The following CNTNAP2 variants were observed in gnomAD, a reference collection of about 807,000 sequenced individuals.
CNTNAP2 encodes the protein contactin associated protein 2.
In CNTNAP2, 98 loss-of-function variants were observed where a neutral mutation model predicts 155.2. The observed-to-expected ratio is 0.63, with a 90% CI of 0.54 to 0.75. The LOEUF (loss-of-function observed/expected upper bound fraction) is 0.75. CNTNAP2 is among the 30% of genes least tolerant of loss of function. The pLI, the probability that CNTNAP2 is intolerant of heterozygous loss-of-function variation, is 0.00. For missense variants in CNTNAP2, 1,727 were observed against 1,688.1 expected (o/e 1.02, Z -0.40); for synonymous variants, 651 against 631.2 (o/e 1.03, Z -0.47).
intron 4 of CNTNAP2, among the ~76,000 whole-genome samples, chr7:147,073,086 T>G (rs998744030): frequency 6.7e-6 from 1 of 149,822 alleles, no homozygotes; most frequent in African/African-American, 2.5e-5. Flanking sequence ...TCTCCTGACC[T>G]CATGATCCAC....
chr7:146,764,860 A>G (rs1372710801), intron 1 of CNTNAP2, among the ~76,000 whole-genome samples: 7 of 152,194 alleles, frequency 4.6e-5, no homozygotes. Flanking sequence ...ATTAAAAATA[A>G]TGAATTTATT....
In CNTNAP2 at chr7:146,284,762, G is replaced by A. The variant is rs146518425; in HGVS notation, c.97+167789G>A. ...AAGCATGCAGTGAAGGGAACCTGAC[G>A]GGGTTTGACTGCTCAGTTTATCACT... is the stretch of plus-strand genomic sequence containing the variant. On this transcript the variant is annotated intron_variant, in intron 1 of 23. Coordinates refer to ENST00000361727, the MANE Select transcript of CNTNAP2 (RefSeq NM_014141.6). Among the ~76,000 whole-genome samples, 153 of 152,290 alleles carry A rather than the reference G, an allele frequency of 1.0e-3. 1 individual carries two copies. The highest frequency in any genetic ancestry group is 3.5e-3 in the African/African-American group (144 of 41,554).
At chr7:147,855,139 C>T (rs1759560321) in intron 13 of CNTNAP2, among the ~76,000 whole-genome samples, 1 of 152,124 alleles carries the variant, frequency 6.6e-6, no homozygotes, top group South Asian at 2.1e-4. Context: ...TAGACTCACT[C>T]TACTAGAGTG....
At chr7:147,419,877 A>G (rs529160611) in intron 10 of CNTNAP2, among the ~76,000 whole-genome samples, 229 of 152,168 alleles carry the variant, frequency 1.5e-3, no homozygotes, top group Non-Finnish European at 2.5e-3. Context: ...AAAACTCTCT[A>G]ATCTGGGTGT....
At chr7:146,881,791 A>T (rs1304998163) in intron 3 of CNTNAP2, among the ~76,000 whole-genome samples, 2 of 147,462 alleles carry the variant, frequency 1.4e-5, no homozygotes, top group African/African-American at 5.0e-5. Flanking sequence ...ATATAAAAAC[A>T]CATTATCTTC....
chr7:148,108,452 G>A (rs900431945), intron 15 of CNTNAP2, among the ~76,000 whole-genome samples: 8 of 152,084 alleles, frequency 5.3e-5, no homozygotes, highest in Non-Finnish European at 7.4e-5. Context: ...AAGAGATGAC[G>A]AGGACAAAAG....
intron 1 of CNTNAP2, among the ~76,000 whole-genome samples, chr7:146,515,574 G>A (rs1426124607): frequency 4.6e-5 from 7 of 152,066 alleles, no homozygotes; most frequent in Admixed American, 3.3e-4. Flanking sequence ...TCATTTTGGT[G>A]ATATCACCCA....
At chr7:147,323,998 G>T (rs1795403637) in intron 9 of CNTNAP2, among the ~76,000 whole-genome samples, 1 of 150,594 alleles carries the variant, frequency 6.6e-6, no homozygotes. Context: ...AGAAAGCAAA[G>T]GATTATACAT....
chr7:147,683,407 A>G (rs1276080065), intron 13 of CNTNAP2, among the ~76,000 whole-genome samples: 2 of 151,840 alleles, frequency 1.3e-5, no homozygotes, highest in African/African-American at 4.8e-5. Context: ...GAAATACCTG[A>G]TAAGATAAGT....
intron 18 of CNTNAP2, among the ~76,000 whole-genome samples, chr7:148,193,924 C>G (rs1795236038): frequency 6.6e-6 from 1 of 151,206 alleles, no homozygotes; most frequent in South Asian, 2.1e-4. Context: ...TTTCCTTCTG[C>G]TTGTTCAAGA....
At chr7:146,453,166 A>G (rs1414011359) in intron 1 of CNTNAP2, among the ~76,000 whole-genome samples, 1 of 152,206 alleles carries the variant, frequency 6.6e-6, no homozygotes, top group African/African-American at 2.4e-5. Flanking sequence ...ACCCTCCGGA[A>G]TGTTCAGTGG....
chr7:147,800,193 C>G (rs1043229842), intron 13 of CNTNAP2, among the ~76,000 whole-genome samples: 7 of 152,144 alleles, frequency 4.6e-5, no homozygotes, highest in Non-Finnish European at 8.8e-5. Context: ...ATCATTCTGT[C>G]ATCACATATT....
chr7:147,881,286 A>ATAT (rs1024433438), intron 13 of CNTNAP2, among the ~76,000 whole-genome samples: 17 of 152,212 alleles, frequency 1.1e-4, no homozygotes, highest in African/African-American at 3.9e-4. Context: ...ATTGTTAAGA[A>ATAT]TATGGAACTG....
intron 1 of CNTNAP2, among the ~76,000 whole-genome samples, chr7:146,502,234 T>TATATATATATGA (rs1797313903): frequency 4.2e-5 from 3 of 70,782 alleles, no homozygotes; most frequent in African/African-American, 1.3e-4. Context: ...AATATATATA[T>TATATATATATGA]ATATATATAT....
intron 1 of CNTNAP2, among the ~76,000 whole-genome samples, chr7:146,340,334 TA>T (rs562086196): frequency 1.4e-4 from 21 of 148,496 alleles, no homozygotes; most frequent in African/African-American, 4.6e-4. Context: ...TAACATCTAA[TA>T]CTTTTCAAAG....
intron 18 of CNTNAP2, among the ~76,000 whole-genome samples, chr7:148,196,877 G>A (rs1040129989): frequency 1.6e-4 from 25 of 152,268 alleles, no homozygotes; most frequent in African/African-American, 6.0e-4. Context: ...TTCCAGGAAA[G>A]TCTAACTGCT....
intron 13 of CNTNAP2, among the ~76,000 whole-genome samples, chr7:147,857,784 G>T (rs1385390632): frequency 2.6e-5 from 4 of 152,150 alleles, no homozygotes; most frequent in Non-Finnish European, 5.9e-5. Context: ...TAGAGCACTA[G>T]AAAAATTCGT....
At chr7:146,509,283 C>T (rs902547411) in intron 1 of CNTNAP2, among the ~76,000 whole-genome samples, 8 of 152,200 alleles carry the variant, frequency 5.3e-5, no homozygotes, top group African/African-American at 1.9e-4. Context: ...GTGTGGTTGC[C>T]TTGCCCCTGT....
intron 1 of CNTNAP2, among the ~76,000 whole-genome samples, chr7:146,586,045 CAA>C (rs771918981): frequency 2.5e-4 from 38 of 151,868 alleles, no homozygotes; most frequent in Admixed American, 8.5e-4. Context: ...CAAAAGAAAA[CAA>C]AGCAAAATTA....
Sources: gnomAD v4.1 joint callset for allele counts (sites outside exome capture counted in the v4.1 genomes callset) on GRCh38, gnomAD v4.1.1 for gene constraint, MANE v1.5 for transcripts, NCBI Gene and HGNC (gene_info 2026-07-23, HGNC 2026-07-21) for gene names.